Variants in ABCC5 observed in about 807,000 individuals in gnomAD.
ABCC5 encodes the protein ATP binding cassette subfamily C member 5.
A neutral mutation model predicts 160.9 loss-of-function variants in ABCC5; 61 were observed. The observed-to-expected ratio is 0.38, with a 90% CI of 0.31 to 0.47. ABCC5 has a LOEUF of 0.47. ABCC5 is among the 20% of genes least tolerant of loss of function. The pLI, the probability that ABCC5 is intolerant of heterozygous loss-of-function variation, is 0.99. For synonymous variants in ABCC5, 666 were observed against 700.6 expected (o/e 0.95, Z 0.78); for missense variants, 1,308 against 1,813.3 (o/e 0.72, Z 5.06).
intron 16 of ABCC5, among the ~76,000 whole-genome samples, chr3:183,960,981 TTCTC>T (rs76417820): frequency 0.016 from 2,478 of 152,202 alleles, 30 homozygotes; most frequent in Middle Eastern, 0.034. Flanking sequence ...AAGACGGGGT[TTCTC>T]TCTATGTTGC....
intron 24 of ABCC5, 101 bp from the exon 25 acceptor site, chr3:183,943,017 A>G: frequency 7.9e-7 from 1 of 1,270,950 alleles, no homozygotes; most frequent in Non-Finnish European, 1.1e-6. Context: ...TAGTAGCCAC[A>G]CAGAGGTAGC....
chr3:183,957,905 C>A (rs1716330661), intron 17 of ABCC5, among the ~76,000 whole-genome samples: 1 of 149,574 alleles, frequency 6.7e-6, no homozygotes, highest in South Asian at 2.1e-4. Context: ...CGGTTACATG[C>A]GGATCCGTGT....
chr3:183,981,657 G>A, intron 8 of ABCC5, 70 bp downstream of exon 8: 1 of 1,532,020 alleles, frequency 6.5e-7, no homozygotes, highest in Non-Finnish European at 8.9e-7. Flanking sequence ...AAAGCAAAGT[G>A]TGTGAATTAT....
chr3:183,958,455 G>A (rs556344453), intron 17 of ABCC5, among the ~76,000 whole-genome samples: 16 of 152,268 alleles, frequency 1.1e-4, no homozygotes, highest in African/African-American at 3.4e-4. Context: ...TTTACTGCCC[G>A]TGGTAAGAAC....
At chr3:183,933,766 C>A (rs1242796289) in intron 26 of ABCC5, among the ~76,000 whole-genome samples, 1 of 152,176 alleles carries the variant, frequency 6.6e-6, no homozygotes, top group South Asian at 2.1e-4. Flanking sequence ...CAATTTTTAT[C>A]TTGTGACTTT....
At chr3:183,934,650 G>A (rs116312201) in intron 26 of ABCC5, among the ~76,000 whole-genome samples, 1,776 of 152,206 alleles carry the variant, frequency 0.012, 39 homozygotes, top group African/African-American at 0.04. Context: ...AGCTGCACGC[G>A]CCCATGGTCA....
intron 2 of ABCC5, among the ~76,000 whole-genome samples, chr3:183,999,227 C>G (rs1345810339): frequency 2.0e-5 from 3 of 151,556 alleles, no homozygotes; most frequent in African/African-American, 7.3e-5. Flanking sequence ...TCTAGGCTTC[C>G]TAAAAAAGCT....
At chr3:183,956,315 T>C (rs1224914139) in intron 17 of ABCC5, among the ~76,000 whole-genome samples, 3 of 151,808 alleles carry the variant, frequency 2.0e-5, no homozygotes, top group Admixed American at 2.0e-4. Flanking sequence ...CAGATCCGTG[T>C]GTAAATCACA....
chr3:183,958,303 C>T lies in ABCC5; in HGVS notation c.2482+1430G>A, dbSNP rs527965462. On this transcript the variant is annotated intron_variant, in intron 17 of 29. Transcript: ENST00000334444. ...TCACCCAGGTACTAAGCATAGTACC[C>T]GGCTTTTCCCTCTTTACACAAATAA... 3.9e-5 allele frequency among the ~76,000 whole-genome samples: 6 copies of T among 152,310 alleles called. No individual in the cohort carries two copies. The East Asian group carries it at 5.8e-4, about 15-fold the overall frequency.
Position 183,961,642 on chromosome 3 carries a change from A to C in ABCC5, c.2248T>G (p.Cys750Gly). The C allele has an allele frequency of 6.2e-7, 1 of 1,614,212 alleles. No homozygotes were observed. Residue 750 changes from cysteine (C) to glycine (G), a missense_variant, in exon 16 of 30, where the codon TGT becomes GGT. This residue lies in a region of ABCC5 where 1,142 missense variants were observed against 1,527.1 expected (regional missense o/e 0.75). Coordinates refer to ENST00000334444, the MANE Select transcript of ABCC5 (RefSeq NM_005688.4). Reference sequence around the variant, plus strand: ...TCTTTCATGAAGATCACTTCATCACAGTCAACCAGGTACTGAAGGCAAAGG... The same window carrying C: ...TCTTTCATGAAGATCACTTCATCACCGTCAACCAGGTACTGAAGGCAAAGG... The part of the protein sequence containing the change: ...VTHQLQYLVD[C>G]DEVIFMKEGC...
intron 28 of ABCC5, among the ~76,000 whole-genome samples, chr3:183,926,468 C>T (rs933818212): frequency 2.0e-5 from 3 of 151,228 alleles, no homozygotes; most frequent in Admixed American, 6.6e-5. Context: ...GAGAATCGCG[C>T]GAATCCAGGA....
At chr3:183,997,021 C>A (rs1720342090) in intron 2 of ABCC5, among the ~76,000 whole-genome samples, 1 of 152,266 alleles carries the variant, frequency 6.6e-6, no homozygotes, top group African/African-American at 2.4e-5. Context: ...CATATTTGCA[C>A]CTACCTCCTT....
In ABCC5 at chr3:183,982,934, A is replaced by G; in HGVS notation, c.665T>C (p.Val222Ala). 6.2e-7 allele frequency: 1 copy of G among 1,614,266 alleles called. No individual in the cohort carries two copies. The highest frequency in any genetic ancestry group is 1.6e-4 in the Middle Eastern group (1 of 6,062). ...GATTTCCGTCAGGAGGAGGCCCAGC[A>G]CTAACAACAAGCTGTACTGCAGGTT... Reference protein sequence around the residue: ...ESNLQYSLLLVLGLLLTEIVR... With the variant: ...ESNLQYSLLLALGLLLTEIVR... The change falls in exon 6 of 30, where the codon GTG becomes GCG. Residue 222 changes from valine (V) to alanine (A), a missense_variant. By Grantham distance (64) the Val-to-Ala change is moderately conservative. Coordinates refer to ENST00000334444, the MANE Select transcript of ABCC5 (RefSeq NM_005688.4). This position sits in a 1 kb window ranked among gnomAD's most constrained non-coding sequence, Gnocchi z 5.2.
chr3:183,927,538 A>G (rs759643100), intron 27 of ABCC5, 95 bp from the exon 28 acceptor site: 4 of 1,501,450 alleles, frequency 2.7e-6, no homozygotes, highest in Non-Finnish European at 3.6e-6. Context: ...GAAAGCGATG[A>G]AAGAACTATT....
chr3:183,936,652 C>T (rs1018826421), intron 26 of ABCC5, among the ~76,000 whole-genome samples: 4 of 152,182 alleles, frequency 2.6e-5, no homozygotes, highest in South Asian at 2.1e-4. Context: ...GGACTACAGG[C>T]GCCCACCACC....
chr3:183,987,606 C>T lies in ABCC5; in HGVS notation c.591+164G>A. 1 of 906,252 alleles carries T rather than the reference C, an allele frequency of 1.1e-6. No individual in the cohort carries two copies. The highest frequency in any genetic ancestry group is 1.7e-6 in the Non-Finnish European group (1 of 576,016). 56.1% of individuals were successfully genotyped at this position (906,252 alleles called of 1,614,324 possible). ...TGGCAACACTGCCCTTTCATCCTTCCAGCTGTTGCCAAAATCCATCGACCC... is the reference window on the plus strand; with the variant it reads ...TGGCAACACTGCCCTTTCATCCTTCTAGCTGTTGCCAAAATCCATCGACCC... On this transcript the variant is annotated intron_variant, in intron 5 of 29. Coordinates refer to ENST00000334444, the MANE Select transcript of ABCC5 (RefSeq NM_005688.4). The surrounding 1 kb of genome is among the most constrained non-coding windows in gnomAD (Gnocchi z 4.2).
chr3:184,002,460 A>C lies in ABCC5; in HGVS notation c.129+11804T>G, dbSNP rs78534491. Among the ~76,000 whole-genome samples, 32 of 152,346 alleles carry C rather than the reference A, an allele frequency of 2.1e-4. No individual in the cohort carries two copies. The East Asian group carries it at 6.2e-3, about 29-fold the overall frequency. On this transcript the variant is annotated intron_variant, in intron 2 of 29. Coordinates refer to ENST00000334444, the MANE Select transcript of ABCC5 (RefSeq NM_005688.4). Reference sequence around the variant, plus strand: ...ACAAAAAGCAATTCAGATTCTGTCAAGGTTCAAACAAAGATCAGGGAAACA... The same window carrying C: ...ACAAAAAGCAATTCAGATTCTGTCACGGTTCAAACAAAGATCAGGGAAACA...
chr3:184,003,549 C>G (rs890872076), intron 2 of ABCC5, among the ~76,000 whole-genome samples: 1 of 152,218 alleles, frequency 6.6e-6, no homozygotes, highest in African/African-American at 2.4e-5. Flanking sequence ...AGGGAAGCTG[C>G]TAAACTCAGT....
chr3:184,002,411 A>G (rs372851763), intron 2 of ABCC5, among the ~76,000 whole-genome samples: 21 of 151,770 alleles, frequency 1.4e-4, no homozygotes, highest in African/African-American at 3.6e-4. Flanking sequence ...AAAAAAAAAA[A>G]AGAGAAAAAC....
Sources: gnomAD v4.1 joint callset for allele counts (sites outside exome capture counted in the v4.1 genomes callset) on GRCh38, gnomAD v4.1.1 for gene constraint, gnomAD v4.1.1 regional missense constraint, Gnocchi (gnomAD v3.1) non-coding constraint, MANE v1.5 for transcripts, NCBI Gene and HGNC (gene_info 2026-07-23, HGNC 2026-07-21) for gene names.